DNAH9: variants seen among roughly 807,000 people sequenced by gnomAD.
The protein encoded by DNAH9 is dynein axonemal heavy chain 9.
A neutral mutation model predicts 471.6 loss-of-function variants in DNAH9; 345 were observed. That is an observed-to-expected ratio of 0.73 (90% CI 0.67 to 0.80). The LOEUF is 0.80. DNAH9 is among the 30% of genes least tolerant of loss of function. DNAH9 has a pLI of 0.00. For missense variants in DNAH9, 5,407 were observed against 5,609.2 expected (o/e 0.96, Z 1.15); for synonymous variants, 2,093 against 2,123.6 (o/e 0.99, Z 0.40).
intron 61 of DNAH9, among the ~76,000 whole-genome samples, chr17:11,920,493 T>A (rs772673087): frequency 1.3e-5 from 2 of 151,164 alleles, no homozygotes; most frequent in Non-Finnish European, 3.0e-5. Context: ...TGGTGGCGTG[T>A]GCCTGTAGTC....
chr17:11,909,978 T>A (rs2190610), intron 61 of DNAH9, among the ~76,000 whole-genome samples: 1 of 152,106 alleles, frequency 6.6e-6, no homozygotes, highest in African/African-American at 2.4e-5. Context: ...TATTCTCGGC[T>A]GGGCGTGGTG....
chr17:11,600,703 A>G (rs2072366949), intron 1 of DNAH9, among the ~76,000 whole-genome samples: 1 of 152,134 alleles, frequency 6.6e-6, no homozygotes, highest in Non-Finnish European at 1.5e-5. Context: ...GCTGGTTTCA[A>G]ACTCCTAGAC....
At chr17:11,711,477 C>A (rs2074826460) in intron 26 of DNAH9, among the ~76,000 whole-genome samples, 1 of 152,036 alleles carries the variant, frequency 6.6e-6, no homozygotes, top group Non-Finnish European at 1.5e-5. Flanking sequence ...ATCAGTCTAC[C>A]TCAAAACTAT....
At chr17:11,824,280 G>T (rs1307515577) in intron 48 of DNAH9, among the ~76,000 whole-genome samples, 2 of 152,114 alleles carry the variant, frequency 1.3e-5, no homozygotes, top group African/African-American at 4.8e-5. Flanking sequence ...TTTGCCTTTG[G>T]AATTGTTCTA....
In DNAH9 at chr17:11,929,974, C is replaced by A. The variant is rs763878650; in HGVS notation, c.11986C>A (p.Pro3996Thr). Residue 3996 changes from proline (P) to threonine (T), a missense_variant, in exon 63 of 69, where the codon CCC becomes ACC. Coordinates refer to ENST00000262442, the MANE Select transcript of DNAH9 (RefSeq NM_001372.4). ...FRVFMSAEPA[P>T]SPEGHIIPQG... ...GGTCTTCATGAGTGCAGAGCCAGCA[C>A]CCTCCCCTGAGGGCCACATCATCCC... 1.7e-5 allele frequency: 27 copies of A among 1,614,046 alleles called. 1 individual carries two copies. In the South Asian group the frequency reaches 3.0e-4, roughly 18 times the overall value.
rs1597856181 is a variant in DNAH9 at position 11,942,430 on chromosome 17, A to G, written c.12788A>G (p.Asn4263Ser). 1.9e-6 allele frequency: 3 copies of G among 1,614,060 alleles called. No individual in the cohort carries two copies. Among genetic ancestry groups the G allele is most frequent in the Non-Finnish European group, 2.5e-6 (3 of 1,180,042 alleles). Residue 4263 changes from asparagine (N) to serine (S), a missense_variant, in exon 67 of 69, where the codon AAT becomes AGT. This residue lies in a region of DNAH9 where 4,636 missense variants were observed against 4,900.3 expected (regional missense o/e 0.95). Transcript: ENST00000262442. ...GCCTTCCAGGAGTGTGGCCGGATGA[A>G]TATCCTCACCAGAGAGATTCAGCGC... The part of the protein sequence containing the change: ...VVAFQECGRM[N>S]ILTREIQRSL...
At chr17:11,954,571 C>A (rs1975543437) in intron 67 of DNAH9, among the ~76,000 whole-genome samples, 1 of 151,862 alleles carries the variant, frequency 6.6e-6, no homozygotes, top group Non-Finnish European at 1.5e-5. Flanking sequence ...ACTTAGAATT[C>A]TTTGCCCAGG....
chr17:11,689,966 C>G lies in DNAH9; in HGVS notation c.4144C>G (p.Arg1382Gly). The G allele has an allele frequency of 1.9e-6, 3 of 1,613,566 alleles. No individual in the cohort carries two copies. Among genetic ancestry groups the G allele is most frequent in the Non-Finnish European group, 2.5e-6 (3 of 1,179,764 alleles). The change falls in exon 20 of 69, where the codon CGG (arginine) becomes GGG (glycine). Residue 1382 changes from arginine to glycine, a missense_variant. Arg to Gly is a moderately radical substitution (Grantham distance 125). This residue lies in a region of DNAH9 where 4,636 missense variants were observed against 4,900.3 expected (regional missense o/e 0.95). Transcript: ENST00000262442. ...AVAELQNPAI[R>G]ERHWRQLMQA... ...AGCTGAGCTGCAGAATCCAGCCATC[C>G]GGGAGCGGCACTGGAGGCAGCTGAT... is the stretch of plus-strand genomic sequence containing the variant.
intron 50 of DNAH9, among the ~76,000 whole-genome samples, chr17:11,861,456 G>C (rs2150977546): frequency 6.6e-6 from 1 of 152,052 alleles, no homozygotes; most frequent in Admixed American, 6.5e-5. Flanking sequence ...CCAAGTCTTT[G>C]CTATTGTGAA....
At chr17:11,908,987 G>GT (rs762023194) in intron 61 of DNAH9, among the ~76,000 whole-genome samples, 64 of 152,132 alleles carry the variant, frequency 4.2e-4, no homozygotes, top group Admixed American at 6.5e-4. Flanking sequence ...CAAACATCTG[G>GT]TCCCTGTTGG....
chr17:11,732,260 G>T (rs1379321797), intron 28 of DNAH9, among the ~76,000 whole-genome samples: 5 of 152,172 alleles, frequency 3.3e-5, no homozygotes, highest in African/African-American at 1.2e-4. Flanking sequence ...GGGGGTCCCT[G>T]ATACTGTCAC....
chr17:11,951,816 G>C (rs766397547), intron 67 of DNAH9, among the ~76,000 whole-genome samples: 1 of 151,634 alleles, frequency 6.6e-6, no homozygotes, highest in Non-Finnish European at 1.5e-5. Flanking sequence ...CCAGCTACTC[G>C]GGAGGCTGAG....
At chr17:11,947,767 G>A (rs950611104) in intron 67 of DNAH9, among the ~76,000 whole-genome samples, 5 of 133,452 alleles carry the variant, frequency 3.7e-5, no homozygotes, top group Non-Finnish European at 8.0e-5. Context: ...GAGGGGCTGG[G>A]AACTATTTTT....
At chr17:11,724,952 A>T (rs144088207) in intron 27 of DNAH9, among the ~76,000 whole-genome samples, 162 of 152,236 alleles carry the variant, frequency 1.1e-3, no homozygotes, top group African/African-American at 3.6e-3. Context: ...GGGTGATGGG[A>T]GACAGTGACA....
At position 11,883,761 on chromosome 17, in the gene DNAH9, TCTG is replaced by T. The variant is rs1567874360; in HGVS notation, c.10971+12_10971+14del. On this transcript the variant is annotated intron_variant, in intron 56 of 68. Transcript: ENST00000262442. ...GAAGTTGAGAAAAAGGTAAAACTCCTCTGGCTAGTCTGGGAAGGCAGCCTAGGC... is the reference window on the plus strand; with the variant it reads ...GAAGTTGAGAAAAAGGTAAAACTCCTGCTAGTCTGGGAAGGCAGCCTAGGC... The T allele has an allele frequency of 6.2e-7, 1 of 1,611,124 alleles. No homozygotes were observed. The highest frequency in any genetic ancestry group is 1.3e-5 in the African/African-American group (1 of 74,418).
At chr17:11,925,024 A>G (rs564008569) in intron 62 of DNAH9, 1 of 358,656 alleles carries the variant, frequency 2.8e-6, no homozygotes. Flanking sequence ...TGCCACTTGT[A>G]TACATGCTGG....
In DNAH9 at chr17:11,617,437, G is replaced by T. The variant is rs2150651737; in HGVS notation, c.931G>T (p.Val311Leu). 6.2e-7 allele frequency: 1 copy of T among 1,614,106 alleles called. No homozygotes were observed. The highest frequency in any genetic ancestry group is 1.6e-4 in the Middle Eastern group (1 of 6,062). ...AALAEAQDIHVHLIPLQRHLE... is the reference protein window; with the variant it reads ...AALAEAQDIHLHLIPLQRHLE... ...TCTAGCAGAGGCACAGGACATCCATGTGCACCTGATACCGCTCCAGCGCCA... is the reference window on the plus strand; with the variant it reads ...TCTAGCAGAGGCACAGGACATCCATTTGCACCTGATACCGCTCCAGCGCCA... Residue 311 changes from valine (V) to leucine (L), a missense_variant, in exon 5 of 69, where the codon GTG becomes TTG. Val to Leu is a conservative substitution (Grantham distance 32, BLOSUM62 1). Around this residue, in one of 3 missense-constraint regions of DNAH9, gnomAD observed 767 missense variants for 692.5 expected, o/e 1.11. Coordinates refer to ENST00000262442, the MANE Select transcript of DNAH9 (RefSeq NM_001372.4).
At chr17:11,729,901 G>A (rs566670825) in intron 28 of DNAH9, among the ~76,000 whole-genome samples, 168 of 152,284 alleles carry the variant, frequency 1.1e-3, no homozygotes, top group African/African-American at 3.8e-3. Flanking sequence ...CAGACCATCC[G>A]CAAATCCATG....
At chr17:11,968,342 T>G (rs969389445) in intron 68 of DNAH9, among the ~76,000 whole-genome samples, 3 of 152,212 alleles carry the variant, frequency 2.0e-5, no homozygotes, top group Non-Finnish European at 4.4e-5. Context: ...AGTGAAGAGC[T>G]ACATCCTTCC....
Sources: allele counts gnomAD v4.1 joint callset (sites outside exome capture counted in the v4.1 genomes callset), GRCh38; gene constraint gnomAD v4.1.1; regional missense constraint gnomAD v4.1.1; transcripts MANE v1.5; gene names NCBI Gene and HGNC (gene_info 2026-07-23, HGNC 2026-07-21).